CSTPP1: variants seen among roughly 807,000 people sequenced by gnomAD.
The protein encoded by CSTPP1 is centriolar satellite-associated tubulin polyglutamylase complex regulator 1.
chr11:47,101,164 A>ATTTTTTTTTTTTTTTTTT, the CSTPP1 span, among the ~76,000 whole-genome samples: 1 of 30,378 alleles, frequency 3.3e-5, no homozygotes, highest in African/African-American at 1.8e-4. Context: ...ACACCGGCTA[A>ATTTTTTTTTTTTTTTTTT]TTTTTTTTTT....
chr11:46,937,883 C>CGTTTTGTTTT, the CSTPP1 span, among the ~76,000 whole-genome samples: 16 of 151,382 alleles, frequency 1.1e-4, no homozygotes, highest in African/African-American at 3.6e-4. Flanking sequence ...TTTTTAAAGA[C>CGTTTTGTTTT]GTTTTGTTTT....
At chr11:46,936,996 G>T in the CSTPP1 span, 32 of 1,130,814 alleles carry the variant, frequency 2.8e-5, no homozygotes, top group South Asian at 5.2e-4. Flanking sequence ...CAGGGCCTGA[G>T]CCTGTAAGGC....
chr11:47,161,652 T>C, the CSTPP1 span: 2 of 1,602,088 alleles, frequency 1.2e-6, no homozygotes, highest in Non-Finnish European at 1.7e-6. Flanking sequence ...GTCCAAAGGG[T>C]CCTGCCCACA....
chr11:47,048,389 G>A, the CSTPP1 span, among the ~76,000 whole-genome samples: 1 of 152,162 alleles, frequency 6.6e-6, no homozygotes, highest in Non-Finnish European at 1.5e-5. Context: ...GGAAGGTACG[G>A]TTGAAGGATC....
the CSTPP1 span, among the ~76,000 whole-genome samples, chr11:47,132,735 G>A: frequency 6.6e-6 from 1 of 152,292 alleles, no homozygotes; most frequent in African/African-American, 2.4e-5. Context: ...GTTTAACTTA[G>A]ATAGAAAATC....
the CSTPP1 span, among the ~76,000 whole-genome samples, chr11:47,046,806 C>T: frequency 1.3e-5 from 2 of 150,258 alleles, no homozygotes; most frequent in East Asian, 3.9e-4. Context: ...GCTGGGATTA[C>T]AGGCATCCAC....
the CSTPP1 span, among the ~76,000 whole-genome samples, chr11:47,016,400 A>AC: frequency 4.9e-5 from 7 of 143,434 alleles, no homozygotes; most frequent in African/African-American, 1.7e-4. Flanking sequence ...CAAAAAACAA[A>AC]AAACAAAAAA....
the CSTPP1 span, among the ~76,000 whole-genome samples, chr11:47,018,483 C>T: frequency 2.0e-4 from 31 of 151,740 alleles, no homozygotes; most frequent in East Asian, 4.9e-3. Flanking sequence ...TTAGTAGTTA[C>T]GGGGTTTCAC....
chr11:47,156,782 C>T, the CSTPP1 span, among the ~76,000 whole-genome samples: 1 of 152,164 alleles, frequency 6.6e-6, no homozygotes, highest in South Asian at 2.1e-4. Flanking sequence ...GCAGGTCTCA[C>T]CTGGTCCAGG....
the CSTPP1 span, among the ~76,000 whole-genome samples, chr11:47,163,319 CAG>C: frequency 2.6e-5 from 4 of 152,192 alleles, no homozygotes; most frequent in Non-Finnish European, 5.9e-5. Context: ...TACCAAGCTC[CAG>C]AGAGTCTAAC....
chr11:47,092,918 T>C, the CSTPP1 span, among the ~76,000 whole-genome samples: 1 of 152,200 alleles, frequency 6.6e-6, no homozygotes, highest in East Asian at 1.9e-4. Flanking sequence ...GGGCAGGGAT[T>C]TTCGTCTCTG....
the CSTPP1 span, among the ~76,000 whole-genome samples, chr11:46,954,439 C>T: frequency 6.6e-6 from 1 of 152,016 alleles, no homozygotes; most frequent in Non-Finnish European, 1.5e-5. Context: ...ATTCCGGCTA[C>T]CCTGGAGGCT....
the CSTPP1 span, among the ~76,000 whole-genome samples, chr11:47,091,008 C>T: frequency 1.4e-5 from 2 of 145,600 alleles, no homozygotes; most frequent in African/African-American, 2.6e-5. Context: ...AACTGCACTC[C>T]AGCCCGGGCA....
chr11:47,021,096 T>C, the CSTPP1 span, among the ~76,000 whole-genome samples: 1 of 152,242 alleles, frequency 6.6e-6, no homozygotes, highest in African/African-American at 2.4e-5. Flanking sequence ...CTTACTACTT[T>C]GCTTATTGCG....
the CSTPP1 span, among the ~76,000 whole-genome samples, chr11:46,977,080 C>T: frequency 6.6e-6 from 1 of 152,214 alleles, no homozygotes; most frequent in Admixed American, 6.5e-5. Flanking sequence ...CTTTCCCATG[C>T]AGATTTGCAA....
At chr11:47,036,256 T>TAA in the CSTPP1 span, among the ~76,000 whole-genome samples, 26 of 48,806 alleles carry the variant, frequency 5.3e-4, 2 homozygotes, top group East Asian at 7.8e-3. Context: ...ATATTATATA[T>TAA]TATATAATAT....
chr11:47,129,139 G>C, the CSTPP1 span, among the ~76,000 whole-genome samples: 3 of 152,250 alleles, frequency 2.0e-5, no homozygotes, highest in East Asian at 5.8e-4. Flanking sequence ...CTGCTTCTTG[G>C]AGGAGAATTA....
At chr11:46,965,747 G>T in the CSTPP1 span, among the ~76,000 whole-genome samples, 4 of 152,074 alleles carry the variant, frequency 2.6e-5, no homozygotes, top group Non-Finnish European at 5.9e-5. Context: ...TCAAAAAACA[G>T]GAATATTTTA....
the CSTPP1 span, among the ~76,000 whole-genome samples, chr11:47,151,418 A>AG: frequency 6.7e-6 from 1 of 149,330 alleles, no homozygotes; most frequent in South Asian, 2.1e-4. Context: ...AAAAAGCAAG[A>AG]GGAGTAGTTG....
Sources: gnomAD v4.1 joint callset for allele counts (sites outside exome capture counted in the v4.1 genomes callset) on GRCh38, gnomAD v4.1.1 for gene constraint, MANE v1.5 for transcripts, NCBI Gene and HGNC (gene_info 2026-07-23, HGNC 2026-07-21) for gene names.